The following NARS1 variants were observed in gnomAD, a reference collection of about 807,000 sequenced individuals.
NARS1 encodes asparagine--tRNA ligase, cytoplasmic.
Under a neutral mutation model 79.2 loss-of-function variants are expected in NARS1, and 65 were observed. The ratio of observed to expected loss-of-function variants is 0.82; its 90% confidence interval spans 0.67 to 1.01. The LOEUF (loss-of-function observed/expected upper bound fraction) is 1.01. Among genes scored for constraint, NARS1 ranks in the 50% least tolerant of loss-of-function variants. The pLI is 0.00. For missense variants in NARS1, 649 were observed against 673.8 expected (o/e 0.96, Z 0.41); for synonymous variants, 229 against 238.8 (o/e 0.96, Z 0.38).
At chr18:57,605,135 A>ATC (rs2051542697) in intron 11 of NARS1, among the ~76,000 whole-genome samples, 1 of 64,268 alleles carries the variant, frequency 1.6e-5, no homozygotes, top group Non-Finnish European at 3.3e-5. Context: ...AAAAAAAAAA[A>ATC]TATATATATA....
chr18:57,621,661 C>G lies in NARS1; in HGVS notation c.10+47G>C. 1.9e-6 allele frequency: 3 copies of G among 1,539,564 alleles called. No individual in the cohort carries two copies. The South Asian group carries it at 3.3e-5, about 17-fold the overall frequency. On this transcript the variant is annotated intron_variant, in intron 1 of 13. Transcript: ENST00000256854. The stretch of plus-strand genomic sequence containing the variant: ...GCCGAAACCCGACTGGAGCAGAGTT[C>G]CTGCCCCAGGCAGGGAACACCGCGC...
At chr18:57,602,277 T>C in intron 13 of NARS1, 78 bp downstream of exon 13, 1 of 1,353,920 alleles carries the variant, frequency 7.4e-7, no homozygotes, top group South Asian at 1.4e-5. Flanking sequence ...CCCTGAATTC[T>C]CCCCTTTTAA....
intron 5 of NARS1, among the ~76,000 whole-genome samples, chr18:57,612,890 A>G (rs2051615853): frequency 6.6e-6 from 1 of 152,172 alleles, no homozygotes; most frequent in Non-Finnish European, 1.5e-5. Flanking sequence ...AAGAGTCAAA[A>G]CTATGGCCAA....
At chr18:57,617,231 G>T (rs1370723541) in intron 2 of NARS1, among the ~76,000 whole-genome samples, 1 of 152,146 alleles carries the variant, frequency 6.6e-6, no homozygotes, top group Non-Finnish European at 1.5e-5. Context: ...AAGATCTGCA[G>T]CCTGCAAAAA....
rs1264943714 is a variant in NARS1 at position 57,621,634 on chromosome 18, G to C, written c.10+74C>G. On this transcript the variant is annotated intron_variant, in intron 1 of 13. Transcript: ENST00000256854. ...CCCACTCTGGTAGGCACTAAGGAAA[G>C]CGCCGAAACCCGACTGGAGCAGAGT... 3.2e-6 allele frequency: 4 copies of C among 1,251,672 alleles called. No homozygotes were observed. In the African/African-American group the frequency reaches 6.1e-5, roughly 19 times the overall value. 77.5% of individuals were successfully genotyped at this position (1,251,672 alleles called of 1,614,324 possible).
At chr18:57,620,235 G>C (rs190140303) in intron 2 of NARS1, among the ~76,000 whole-genome samples, 3 of 152,048 alleles carry the variant, frequency 2.0e-5, no homozygotes, top group East Asian at 3.9e-4. Flanking sequence ...GGAGCCCCCT[G>C]GTCATGAGCT....
chr18:57,607,765 A>G, intron 7 of NARS1, 100 bp from the exon 8 acceptor site: 1 of 935,754 alleles, frequency 1.1e-6, no homozygotes, highest in Non-Finnish European at 1.6e-6. Context: ...TGGTAAGCTG[A>G]GATTTTTAAG....
intron 6 of NARS1, 151 bp from the exon 7 acceptor site, chr18:57,609,594 A>G (rs1568164438): frequency 3.3e-6 from 2 of 614,866 alleles, no homozygotes; most frequent in Admixed American, 3.1e-5. Context: ...TAATATTAAA[A>G]TAGATATTTT....
chr18:57,608,403 T>C (rs2551439), intron 7 of NARS1, among the ~76,000 whole-genome samples: 141,743 of 143,708 alleles, frequency 0.99, 69,925 homozygotes, highest in East Asian at 1. Flanking sequence ...CACCACTGCA[T>C]TCCAGCCTGC....
At chr18:57,614,436 G>A (rs62092557) in intron 4 of NARS1, among the ~76,000 whole-genome samples, 6,772 of 152,188 alleles carry the variant, frequency 0.044, 155 homozygotes, top group South Asian at 0.063. Flanking sequence ...GGGAGGCGGA[G>A]GTTGCAATGA....
Position 57,602,821 on chromosome 18 carries a change from A to C in NARS1, c.1374T>G (p.Leu458=). The C allele has an allele frequency of 6.2e-7, 1 of 1,614,026 alleles. No homozygotes were observed. The highest frequency in any genetic ancestry group is 8.5e-7 in the Non-Finnish European group (1 of 1,179,948). The change falls in exon 12 of 14, where the codon CTT becomes CTG. Residue 458 remains leucine (L), a synonymous_variant. Transcript: ENST00000256854. ...YMQRCPEDSR[L]TESVDVLMPN... Reference sequence around the variant, plus strand: ...TGAAACAGAAACTGACAGATTCAGTAAGACGGGAATCCTCAGGACATCGCT... The same window carrying C: ...TGAAACAGAAACTGACAGATTCAGTCAGACGGGAATCCTCAGGACATCGCT...
chr18:57,608,123 C>G (rs889241180), intron 7 of NARS1, among the ~76,000 whole-genome samples: 16 of 152,070 alleles, frequency 1.1e-4, no homozygotes, highest in Admixed American at 3.3e-4. Context: ...GCCTCGGCCT[C>G]CCAAAGTGCT....
intron 11 of NARS1, among the ~76,000 whole-genome samples, chr18:57,605,617 A>G (rs1255365158): frequency 6.6e-6 from 1 of 151,484 alleles, no homozygotes; most frequent in South Asian, 2.1e-4. Context: ...TCTCAAAAAA[A>G]AAAAAAAAAA....
chr18:57,621,817 G>T lies in NARS1; in HGVS notation c.-100C>A, dbSNP rs764363158. 3.2e-5 allele frequency: 51 copies of T among 1,589,228 alleles called. No homozygotes were observed. The highest frequency in any genetic ancestry group is 4.4e-5 in the Non-Finnish European group (51 of 1,170,848). On this transcript the variant is annotated 5_prime_UTR_variant, in exon 1 of 14. Coordinates refer to ENST00000256854, the MANE Select transcript of NARS1 (RefSeq NM_004539.4). ...CGGCGGTTTCCGCGATTCCGGCGTTGCATCAGAGAGCGTAGATCTGAGGGC... is the reference window on the plus strand; with the variant it reads ...CGGCGGTTTCCGCGATTCCGGCGTTTCATCAGAGAGCGTAGATCTGAGGGC...
intron 11 of NARS1, among the ~76,000 whole-genome samples, chr18:57,605,610 CAAAA>C (rs11285116): frequency 2.7e-5 from 3 of 109,650 alleles, no homozygotes; most frequent in African/African-American, 3.4e-5. Flanking sequence ...GACTCCGTCT[CAAAA>C]AAAAAAAAAA....
At chr18:57,605,480 G>A (rs186102751) in intron 11 of NARS1, among the ~76,000 whole-genome samples, 8 of 152,038 alleles carry the variant, frequency 5.3e-5, no homozygotes, top group Non-Finnish European at 1.0e-4. Context: ...GGTGGTGTGC[G>A]CCTGTAGTCC....
Position 57,606,615 on chromosome 18 carries a change from C to T in NARS1, c.1137+1G>A, listed in dbSNP as rs111569771. 1.2e-6 allele frequency: 2 copies of T among 1,612,632 alleles called. No homozygotes were observed. The highest frequency in any genetic ancestry group is 1.1e-5 in the South Asian group (1 of 90,952). On this transcript the variant is annotated splice_donor_variant, in intron 10 of 13. Coordinates refer to ENST00000256854, the MANE Select transcript of NARS1 (RefSeq NM_004539.4). LOFTEE classifies it high-confidence loss of function. ...TTTCTTTCCATAAACACTGCACCTACCGGGTTGAGCTCATGCACTATGCTC... is the reference window on the plus strand; with the variant it reads ...TTTCTTTCCATAAACACTGCACCTATCGGGTTGAGCTCATGCACTATGCTC...
chr18:57,600,853 G>A lies in NARS1; in HGVS notation c.*799C>T, dbSNP rs1241544790. 6.6e-6 allele frequency: 1 copy of A among 152,162 alleles called. No individual in the cohort carries two copies. The highest frequency in any genetic ancestry group is 2.4e-5 in the African/African-American group (1 of 41,438). 9.4% of individuals were successfully genotyped at this position (152,162 alleles called of 1,614,324 possible). A position where few individuals can be genotyped will look rare whatever the true frequency, so the allele number is the denominator to read the frequency against. ...AACAGCCACTCACAATTGTTATTAA[G>A]ATTCCAGCTACAATTTCTTTTGGAA... is the stretch of plus-strand genomic sequence containing the variant. On this transcript the variant is annotated 3_prime_UTR_variant, in exon 14 of 14. Transcript: ENST00000256854.
At chr18:57,607,960 T>A (rs1032504847) in intron 7 of NARS1, among the ~76,000 whole-genome samples, 1 of 151,134 alleles carries the variant, frequency 6.6e-6, no homozygotes, top group Non-Finnish European at 1.5e-5. Context: ...CTCCGCCTCC[T>A]GGGTTCAAGC....
Sources: gnomAD v4.1 joint callset for allele counts (sites outside exome capture counted in the v4.1 genomes callset) on GRCh38, gnomAD v4.1.1 for gene constraint, MANE v1.5 for transcripts, NCBI Gene and HGNC (gene_info 2026-07-23, HGNC 2026-07-21) for gene names.